ARVCF: variants seen among roughly 807,000 people sequenced by gnomAD.
ARVCF encodes the protein splicing regulator ARVCF.
Under a neutral mutation model 90.9 loss-of-function variants are expected in ARVCF, and 66 were observed. The ratio of observed to expected loss-of-function variants is 0.73; its 90% confidence interval spans 0.60 to 0.89. The LOEUF (loss-of-function observed/expected upper bound fraction) is 0.89. Ranked by LOEUF, ARVCF falls within the 40% of genes least tolerant of loss-of-function variation. The probability of loss-of-function intolerance (pLI) is 0.00; values close to 1 mark genes in which losing one functional copy is unlikely to be tolerated. For missense variants in ARVCF, 1,469 were observed against 1,382.3 expected (o/e 1.06, Z -1.00); for synonymous variants, 653 against 603.4 (o/e 1.08, Z -1.21).
At chr22:19,986,966 G>T (rs1038180957) in intron 3 of ARVCF, 1 of 616,618 alleles carries the variant, frequency 1.6e-6, no homozygotes, top group Non-Finnish European at 2.9e-6. Flanking sequence ...AGCTGCCTCG[G>T]GCCAGCGGCT....
At chr22:19,997,931 C>T (rs139881609) in intron 2 of ARVCF, among the ~76,000 whole-genome samples, 4 of 152,326 alleles carry the variant, frequency 2.6e-5, no homozygotes, top group Non-Finnish European at 5.9e-5. Flanking sequence ...GGAGGGCAGG[C>T]GCAGTGGAGG....
chr22:19,993,505 G>T (rs1944107996), intron 2 of ARVCF, among the ~76,000 whole-genome samples: 1 of 152,218 alleles, frequency 6.6e-6, no homozygotes, highest in African/African-American at 2.4e-5. Context: ...CTGGGGGAAG[G>T]CTAGGAAGGG....
intron 3 of ARVCF, among the ~76,000 whole-genome samples, chr22:19,987,779 C>T (rs926757534): frequency 2.0e-5 from 3 of 152,048 alleles, no homozygotes; most frequent in East Asian, 1.9e-4. Context: ...TCGATGGGGA[C>T]CTGGAAAAGG....
rs1428172804 is a variant in ARVCF at position 19,986,370 on chromosome 22, C to T, written c.210+4215G>A. 1.3e-5 allele frequency among the ~76,000 whole-genome samples: 2 copies of T among 152,176 alleles called. 1 individual carries two copies. Among genetic ancestry groups the T allele is most frequent in the Non-Finnish European group, 2.9e-5 (2 of 68,028 alleles). ...GTCTCTCCTCTGCTCAGTTTCCCTG[C>T]CTGTTACTGAACCCAGCACTGCTCT... On this transcript the variant is annotated intron_variant, in intron 3 of 19. Transcript: ENST00000263207.
chr22:20,002,674 A>G (rs1944486719), intron 2 of ARVCF, among the ~76,000 whole-genome samples: 3 of 152,186 alleles, frequency 2.0e-5, no homozygotes, highest in South Asian at 4.1e-4. Flanking sequence ...GGCCTGGATA[A>G]CCCAAGGGAT....
intron 5 of ARVCF, 191 bp from the exon 6 acceptor site, chr22:19,980,433 A>G: frequency 1.2e-6 from 1 of 851,484 alleles, no homozygotes; most frequent in Non-Finnish European, 1.6e-6. Flanking sequence ...ACCAATTCAG[A>G]GCCAAATGCC....
At chr22:19,970,769 C>A (rs376216779) in intron 19 of ARVCF, 26 bp from the exon 20 acceptor site, 2 of 1,291,864 alleles carry the variant, frequency 1.5e-6, no homozygotes, top group Non-Finnish European at 1.0e-6. Context: ...GGATGGTGGA[C>A]GCTGCAGCCA....
In ARVCF at chr22:19,981,461, C is replaced by T; in HGVS notation, c.646G>A (p.Gly216Ser). 1 of 1,547,100 alleles carries T rather than the reference C, an allele frequency of 6.5e-7. No individual in the cohort carries two copies. Among genetic ancestry groups the T allele is most frequent in the Non-Finnish European group, 8.7e-7 (1 of 1,148,094 alleles). Residue 216 changes from glycine to serine, a missense_variant, in exon 5 of 20, where the codon GGC (glycine) becomes AGC (serine). Coordinates refer to ENST00000263207, the MANE Select transcript of ARVCF (RefSeq NM_001670.3). ...TCACCAGGGCCTGGGCCAAGGGGGC[C>T]AGCACGTGGGGGCCGCATGCCCAGC... ...RGLGMRPPRA[G>S]PLGPGPGDGC...
chr22:19,977,187 C>T (rs1463158728), intron 9 of ARVCF, among the ~76,000 whole-genome samples: 1 of 152,198 alleles, frequency 6.6e-6, no homozygotes, highest in African/African-American at 2.4e-5. Context: ...CCCTTGTGTA[C>T]TCCCTGGGGG....
Position 19,990,611 on chromosome 22 carries a change from T to C in ARVCF, c.184A>G (p.Met62Val), listed in dbSNP as rs1212988679. 5.0e-6 allele frequency: 8 copies of C among 1,609,328 alleles called. No individual in the cohort carries two copies. Among genetic ancestry groups the C allele is most frequent in the East Asian group, 2.2e-5 (1 of 44,792 alleles). ...GGMGSGQPLP[M>V]AWQQLVLQEQ... ...TGGAGGACCAGCTGTTGCCAGGCCATTGGCAGGGGCTGCCCACTGCCCATG... is the reference window on the plus strand; with the variant it reads ...TGGAGGACCAGCTGTTGCCAGGCCACTGGCAGGGGCTGCCCACTGCCCATG... The change falls in exon 3 of 20, where the codon ATG (methionine) becomes GTG (valine). Residue 62 changes from methionine to valine, a missense_variant. Transcript: ENST00000263207.
At chr22:19,966,257 T>C (rs984593643), downstream of ARVCF, among the ~76,000 whole-genome samples, 12 of 152,008 alleles carry the variant, frequency 7.9e-5, no homozygotes, top group African/African-American at 2.7e-4. Flanking sequence ...AACCTGGCTC[T>C]TGTGAGGGTC....
intron 17 of ARVCF, 72 bp from the exon 18 acceptor site, chr22:19,972,043 G>C: frequency 1.4e-6 from 2 of 1,398,188 alleles, no homozygotes; most frequent in Non-Finnish European, 2.0e-6. Context: ...CTCCCTCTCA[G>C]CCCAGACACA....
downstream of ARVCF, chr22:19,968,739 G>GA (rs1555924835): frequency 1.3e-6 from 2 of 1,595,110 alleles, no homozygotes; most frequent in Non-Finnish European, 8.5e-7. Context: ...GGCCCTGACT[G>GA]CCCCCCCGGC....
intron 14 of ARVCF, 41 bp from the exon 15 acceptor site, chr22:19,973,077 A>ACC: frequency 8.5e-7 from 1 of 1,177,072 alleles, no homozygotes; most frequent in East Asian, 2.8e-5. Flanking sequence ...CCCCTCCCCC[A>ACC]CCTCCGCGGC....
In ARVCF at chr22:19,971,870, C is replaced by T. The variant is rs1942820847; in HGVS notation, c.2781+16G>A. On this transcript the variant is annotated intron_variant, in intron 18 of 19. Transcript: ENST00000263207. ...GGCCTCACCGGGGACCTGCCCACAG[C>T]CACATGACCACTTACTTTCAAGGGT... The T allele has an allele frequency of 6.2e-7, 1 of 1,613,020 alleles. No individual in the cohort carries two copies.
At chr22:20,000,042 C>T (rs936633283) in intron 2 of ARVCF, among the ~76,000 whole-genome samples, 1 of 152,214 alleles carries the variant, frequency 6.6e-6, no homozygotes, top group Non-Finnish European at 1.5e-5. Context: ...TTGGGGACAA[C>T]AGCCTGTCCC....
intron 1 of ARVCF, among the ~76,000 whole-genome samples, chr22:20,016,309 G>C (rs1366109484): frequency 1.3e-5 from 2 of 152,214 alleles, no homozygotes; most frequent in South Asian, 4.1e-4. Flanking sequence ...CAAGACGCCC[G>C]GACGGGTAGG....
intron 1 of ARVCF, among the ~76,000 whole-genome samples, chr22:20,014,983 G>A (rs1157659253): frequency 6.6e-6 from 1 of 152,128 alleles, no homozygotes; most frequent in Admixed American, 6.5e-5. Flanking sequence ...GAGACTACAG[G>A]GCCACCTCTG....
rs570748183 is a variant in ARVCF, at chr22:19,973,046, C to CG, written c.2439-11dup. On this transcript the variant is annotated splice_polypyrimidine_tract_variant and intron_variant, in intron 14 of 19. Transcript: ENST00000263207. ...TTCGCGTACCGATTGGCTGTGGGGC[C>CG]GGGGGCGGGGTCAGTGGTGGCCCCT... 1.0e-4 allele frequency: 166 copies of CG among 1,611,894 alleles called. 1 individual carries two copies. The South Asian group carries it at 1.7e-3, about 17-fold the overall frequency.
Sources: gnomAD v4.1 joint callset for allele counts (sites outside exome capture counted in the v4.1 genomes callset) on GRCh38, gnomAD v4.1.1 for gene constraint, MANE v1.5 for transcripts, NCBI Gene and HGNC (gene_info 2026-07-23, HGNC 2026-07-21) for gene names.